VAV2: variants seen among roughly 807,000 people sequenced by gnomAD.
VAV2 encodes the protein guanine nucleotide exchange factor VAV2.
VAV2 carries 67 observed loss-of-function variants against 132.5 expected under a neutral mutation model. That is an observed-to-expected ratio of 0.51 (90% CI 0.42 to 0.62). VAV2 has a LOEUF of 0.62. Among genes scored for constraint, VAV2 ranks in the 20% least tolerant of loss-of-function variants. The pLI is 0.00. For missense variants in VAV2, 938 were observed against 1,153.6 expected (o/e 0.81, Z 2.71); for synonymous variants, 492 against 443.5 (o/e 1.11, Z -1.37).
chr9:133,835,390 C>T lies in VAV2; in HGVS notation c.381-1050G>A, dbSNP rs1439997259. ...GAAATGTCAGGTCAGCCTCAGGAAG[C>T]GGGGAGAGGCGGAAGGGAGGGAGGG... On this transcript the variant is annotated intron_variant, in intron 3 of 29. Transcript: ENST00000371850. 6.6e-5 allele frequency among the ~76,000 whole-genome samples: 6 copies of T among 91,134 alleles called. No individual in the cohort carries two copies. In the South Asian group the frequency reaches 1.7e-3, roughly 26 times the overall value. 59.8% of individuals were successfully genotyped at this position (91,134 alleles called of 152,430 possible).
intron 2 of VAV2, among the ~76,000 whole-genome samples, chr9:133,894,474 C>CT (rs2131987654): frequency 6.6e-6 from 1 of 152,340 alleles, no homozygotes; most frequent in East Asian, 1.9e-4. Context: ...CCTTTACGCC[C>CT]TCTGAGCCCA....
intron 2 of VAV2, among the ~76,000 whole-genome samples, chr9:133,876,598 G>A (rs939083429): frequency 6.6e-6 from 1 of 152,260 alleles, no homozygotes; most frequent in African/African-American, 2.4e-5. Flanking sequence ...GGCAGTGGGA[G>A]TGCAGGGTCA....
intron 2 of VAV2, among the ~76,000 whole-genome samples, chr9:133,880,548 C>T (rs572463386): frequency 6.6e-6 from 1 of 152,314 alleles, no homozygotes; most frequent in African/African-American, 2.4e-5. Context: ...GCGGGGGGCA[C>T]TGCCAATGCC....
At chr9:133,985,820 C>G (rs1842841871) in intron 1 of VAV2, among the ~76,000 whole-genome samples, 1 of 152,164 alleles carries the variant, frequency 6.6e-6, no homozygotes, top group African/African-American at 2.4e-5. Context: ...ACAGTTCCCA[C>G]TGGTCAAACC....
In VAV2 at chr9:133,873,880, C is replaced by T. The variant is rs1475105962; in HGVS notation, c.322-12448G>A. On this transcript the variant is annotated intron_variant, in intron 2 of 29. Coordinates refer to ENST00000371850, the MANE Select transcript of VAV2 (RefSeq NM_001134398.2). The stretch of plus-strand genomic sequence containing the variant: ...CTTCCAGGCAGGGCCCAGCCTAGAA[C>T]GAGGGGTTCCTGTTTGGAGCCTGAG... 3.3e-5 allele frequency among the ~76,000 whole-genome samples: 5 copies of T among 152,240 alleles called. 1 individual carries two copies. The highest frequency in any genetic ancestry group is 4.1e-4 in the South Asian group (2 of 4,832).
chr9:133,990,205 G>A (rs968330197), intron 1 of VAV2, among the ~76,000 whole-genome samples: 5 of 152,142 alleles, frequency 3.3e-5, no homozygotes, highest in East Asian at 3.9e-4. Context: ...GCCCCTACAC[G>A]CCCTCCACGA....
At chr9:133,971,159 C>A (rs917127385) in intron 1 of VAV2, among the ~76,000 whole-genome samples, 1 of 152,216 alleles carries the variant, frequency 6.6e-6, no homozygotes, top group Admixed American at 6.5e-5. Flanking sequence ...AGGCAGAGTC[C>A]GTGTGCCCTC....
At chr9:133,815,931 G>C (rs1835542579) in intron 4 of VAV2, among the ~76,000 whole-genome samples, 2 of 152,184 alleles carry the variant, frequency 1.3e-5, no homozygotes, top group Non-Finnish European at 2.9e-5. Flanking sequence ...CTTTTCTAAA[G>C]TGGGTGCATT....
At position 133,961,959 on chromosome 9, in the gene VAV2, G is replaced by T. The variant is rs1252434138; in HGVS notation, c.205-22740C>A. ...GCCAGAACCCAGCATCATCCCCCAT[G>T]CCGGGTGCTGGGGACCCTCTTCCTG... On this transcript the variant is annotated intron_variant, in intron 1 of 29. Coordinates refer to ENST00000371850, the MANE Select transcript of VAV2 (RefSeq NM_001134398.2). This position sits in a 1 kb window ranked among gnomAD's most constrained non-coding sequence, Gnocchi z 4.1. 6.6e-6 allele frequency among the ~76,000 whole-genome samples: 1 copy of T among 152,130 alleles called. No individual in the cohort carries two copies. The highest frequency in any genetic ancestry group is 1.5e-5 in the Non-Finnish European group (1 of 68,012).
At chr9:133,933,681 A>G (rs1840772724) in intron 2 of VAV2, among the ~76,000 whole-genome samples, 1 of 44,528 alleles carries the variant, frequency 2.2e-5, no homozygotes, top group African/African-American at 4.6e-5. Context: ...GGATGGATAG[A>G]TGAATGATGG....
intron 3 of VAV2, among the ~76,000 whole-genome samples, chr9:133,851,101 G>T (rs1392846810): frequency 1.3e-5 from 2 of 152,232 alleles, no homozygotes; most frequent in African/African-American, 2.4e-5. Flanking sequence ...TCATGCCCCT[G>T]GGGCTCTGCG....
At chr9:133,814,773 C>T (rs183124255) in intron 4 of VAV2, among the ~76,000 whole-genome samples, 75 of 152,180 alleles carry the variant, frequency 4.9e-4, no homozygotes, top group Middle Eastern at 6.8e-3. Flanking sequence ...CATCACAGGT[C>T]GACCAGAACC....
intron 3 of VAV2, among the ~76,000 whole-genome samples, chr9:133,852,030 G>C (rs1312499572): frequency 6.6e-6 from 1 of 151,918 alleles, no homozygotes; most frequent in African/African-American, 2.4e-5. Flanking sequence ...GTGGAAGGAT[G>C]TATGGATGGA....
At chr9:133,787,450 G>A (rs1244202904) in intron 15 of VAV2, among the ~76,000 whole-genome samples, 190 bp from the exon 16 acceptor site, 1 of 152,216 alleles carries the variant, frequency 6.6e-6, no homozygotes, top group African/African-American at 2.4e-5. Context: ...GCTGGTGGCA[G>A]GACTGCCTCA....
intron 2 of VAV2, among the ~76,000 whole-genome samples, chr9:133,932,581 A>AT (rs1441623000): frequency 1.3e-5 from 2 of 152,166 alleles, no homozygotes; most frequent in Non-Finnish European, 2.9e-5. Context: ...CCTGCCGTTC[A>AT]TTTTTTCACC....
intron 2 of VAV2, among the ~76,000 whole-genome samples, chr9:133,868,659 T>A (rs931087088): frequency 6.6e-6 from 1 of 152,214 alleles, no homozygotes; most frequent in African/African-American, 2.4e-5. Context: ...GAAGCGTGCA[T>A]GTTTGTTATG....
intron 2 of VAV2, among the ~76,000 whole-genome samples, chr9:133,873,268 C>T (rs1211173521): frequency 1.3e-5 from 2 of 152,186 alleles, no homozygotes; most frequent in African/African-American, 2.4e-5. Flanking sequence ...CAGGACATTA[C>T]GCCAGAGCTG....
rs533886847 is a variant in VAV2, at chr9:133,833,596, T to G, written c.449+676A>C. Among the ~76,000 whole-genome samples, 1 of 152,126 alleles carries G rather than the reference T, an allele frequency of 6.6e-6. No homozygotes were observed. Among genetic ancestry groups the G allele is most frequent in the East Asian group, 1.9e-4 (1 of 5,148 alleles). On this transcript the variant is annotated intron_variant, in intron 4 of 29. Coordinates refer to ENST00000371850, the MANE Select transcript of VAV2 (RefSeq NM_001134398.2). This position sits in a 1 kb window ranked among gnomAD's most constrained non-coding sequence, Gnocchi z 5.6. ...TCAGCCCAGGTCCCTCACCTGCAGG[T>G]GAGGCCCCTTCCTCCTACCCTCCTA...
At chr9:133,927,058 C>T (rs552310882) in intron 2 of VAV2, among the ~76,000 whole-genome samples, 22 of 152,314 alleles carry the variant, frequency 1.4e-4, no homozygotes, top group African/African-American at 4.8e-4. Context: ...CCTTGCTTTA[C>T]TCAGGCTGAG....
Sources: gnomAD v4.1 joint callset for allele counts (sites outside exome capture counted in the v4.1 genomes callset) on GRCh38, gnomAD v4.1.1 for gene constraint, Gnocchi (gnomAD v3.1) non-coding constraint, MANE v1.5 for transcripts, NCBI Gene and HGNC (gene_info 2026-07-23, HGNC 2026-07-21) for gene names.